Variants in PKHD1L1 observed in about 807,000 individuals in gnomAD.
The protein encoded by PKHD1L1 is fibrocystin-L.
Under a neutral mutation model 462.9 loss-of-function variants are expected in PKHD1L1, and 434 were observed. That is an observed-to-expected ratio of 0.94 (90% CI 0.87 to 1.02). The LOEUF (loss-of-function observed/expected upper bound fraction) is 1.02. Among genes scored for constraint, PKHD1L1 ranks in the 50% least tolerant of loss-of-function variants. The pLI, the probability that PKHD1L1 is intolerant of heterozygous loss-of-function variation, is 0.00. For synonymous variants in PKHD1L1, 1,781 were observed against 1,750.0 expected (o/e 1.02, Z -0.44); for missense variants, 5,202 against 5,096.1 (o/e 1.02, Z -0.63).
chr8:109,505,523 C>A (rs1819644071), intron 68 of PKHD1L1, among the ~76,000 whole-genome samples: 1 of 152,038 alleles, frequency 6.6e-6, no homozygotes, highest in South Asian at 2.1e-4. Flanking sequence ...TAAGACAATA[C>A]TGGAGGCAGA....
chr8:109,520,730 G>C (rs1489361091), intron 73 of PKHD1L1, among the ~76,000 whole-genome samples: 3 of 151,844 alleles, frequency 2.0e-5, no homozygotes, highest in Admixed American at 6.6e-5. Context: ...GAAATTCCCA[G>C]ATGTCCTAGA....
chr8:109,390,187 T>C (rs1812646712), intron 8 of PKHD1L1, among the ~76,000 whole-genome samples: 1 of 152,212 alleles, frequency 6.6e-6, no homozygotes, highest in Non-Finnish European at 1.5e-5. Flanking sequence ...GTTACATATC[T>C]GTTCTTTTAT....
chr8:109,490,094 A>ATTT, intron 60 of PKHD1L1, 39 bp downstream of exon 60: 3 of 1,252,704 alleles, frequency 2.4e-6, no homozygotes, highest in Non-Finnish European at 3.3e-6. Flanking sequence ...TATTAAAAAT[A>ATTT]TGCAAAATAT....
Position 109,406,316 on chromosome 8 carries a change from T to C in PKHD1L1, c.1670-19T>C, listed in dbSNP as rs748787042. ...CAACTTTTCTGTTTGTTTGTTTGTT[T>C]GTTTTAATCCAATCAAAGTCTTCCT... is the stretch of plus-strand genomic sequence containing the variant. On this transcript the variant is annotated intron_variant, in intron 16 of 77. Coordinates refer to ENST00000378402, the MANE Select transcript of PKHD1L1 (RefSeq NM_177531.6). The C allele has an allele frequency of 6.5e-6, 10 of 1,532,690 alleles. No individual in the cohort carries two copies. In the South Asian group the frequency reaches 1.1e-4, roughly 17 times the overall value. The allele number at this position is 1,532,690 out of a possible 1,614,324, so 94.9% of individuals were successfully genotyped here.
In PKHD1L1 at chr8:109,445,545, C is replaced by A; in HGVS notation, c.5676C>A (p.Val1892=). The change falls in exon 38 of 78, where the codon GTC becomes GTA. Residue 1892 remains valine, a synonymous_variant. Transcript: ENST00000378402. ...CTCCCGCTGGGACCACTGGAATGGT[C>A]GATGTTAAAATCTTTGTTAATACAA... is the stretch of plus-strand genomic sequence containing the variant. ...CRTPAGTTGM[V]DVKIFVNTIA... 1.9e-6 allele frequency: 3 copies of A among 1,612,808 alleles called. No individual in the cohort carries two copies. Among genetic ancestry groups the A allele is most frequent in the East Asian group, 2.2e-5 (1 of 44,866 alleles).
chr8:109,511,664 T>A (rs1819992133), intron 71 of PKHD1L1, among the ~76,000 whole-genome samples: 1 of 152,092 alleles, frequency 6.6e-6, no homozygotes, highest in South Asian at 2.1e-4. Context: ...TACGTGTGCA[T>A]GTGTCTTTAT....
intron 59 of PKHD1L1, among the ~76,000 whole-genome samples, chr8:109,487,200 C>T (rs916763838): frequency 6.6e-6 from 1 of 151,924 alleles, no homozygotes; most frequent in African/African-American, 2.4e-5. Context: ...GTACTAATCA[C>T]CAATTTCAAC....
At chr8:109,490,927 G>T (rs748018360) in intron 60 of PKHD1L1, 45 bp from the exon 61 acceptor site, 1 of 1,452,726 alleles carries the variant, frequency 6.9e-7, no homozygotes, top group Non-Finnish European at 9.2e-7. Flanking sequence ...AAAATATATT[G>T]TAATTTTATT....
Position 109,454,824 on chromosome 8 carries a change from T to C in PKHD1L1, c.6846T>C (p.Ala2282=). ...CTGTCTATGGTGCCAAAACACTGGC[T>C]GTGCGGGAGGGAATCCTGGATCTGC... The part of the protein sequence containing the change: ...ELPVYGAKTL[A]VREGILDLHG... Residue 2282 remains alanine, a synonymous_variant, in exon 45 of 78, where the codon GCT becomes GCC. Transcript: ENST00000378402. The C allele has an allele frequency of 1.2e-6, 2 of 1,613,786 alleles. No individual in the cohort carries two copies. The highest frequency in any genetic ancestry group is 1.7e-6 in the Non-Finnish European group (2 of 1,179,754).
chr8:109,509,269 A>G (rs1424288408), intron 70 of PKHD1L1, among the ~76,000 whole-genome samples: 1 of 152,046 alleles, frequency 6.6e-6, no homozygotes, highest in Non-Finnish European at 1.5e-5. Flanking sequence ...AGCAGAGATC[A>G]TGAGAACAAC....
chr8:109,447,658 T>G (rs1357996898), intron 38 of PKHD1L1, among the ~76,000 whole-genome samples: 4 of 152,206 alleles, frequency 2.6e-5, no homozygotes, highest in African/African-American at 9.7e-5. Context: ...CATTTACATA[T>G]CATAATTTCT....
intron 16 of PKHD1L1, among the ~76,000 whole-genome samples, chr8:109,406,002 C>G (rs1813517044): frequency 6.6e-6 from 1 of 152,070 alleles, no homozygotes; most frequent in Non-Finnish European, 1.5e-5. Context: ...ACAATAAATC[C>G]TAAAATACAA....
chr8:109,429,796 C>A, intron 26 of PKHD1L1, 136 bp from the exon 27 acceptor site: 2 of 680,910 alleles, frequency 2.9e-6, no homozygotes, highest in South Asian at 1.9e-5. Flanking sequence ...AATGAAATAT[C>A]AAAGTACAAA....
chr8:109,386,428 C>T (rs1812445199), intron 6 of PKHD1L1, among the ~76,000 whole-genome samples: 1 of 152,078 alleles, frequency 6.6e-6, no homozygotes, highest in South Asian at 2.1e-4. Flanking sequence ...TTCAGATAGA[C>T]ACTCAGCAAT....
Position 109,440,640 on chromosome 8 carries a change from T to C in PKHD1L1, c.3957-70T>C, listed in dbSNP as rs1275353312. On this transcript the variant is annotated intron_variant, in intron 32 of 77. Transcript: ENST00000378402. The stretch of plus-strand genomic sequence containing the variant: ...ATTTCCTCTTTCTAAAGAAGTCATA[T>C]CCTAGCAAGAGTTTAGCAAGATAAA... 25 of 1,415,626 alleles carry C rather than the reference T, an allele frequency of 1.8e-5. No homozygotes were observed. In the South Asian group the frequency reaches 2.1e-4, roughly 12 times the overall value. 87.7% of individuals were successfully genotyped at this position (1,415,626 alleles called of 1,614,324 possible).
chr8:109,363,841 G>A (rs896527649), intron 1 of PKHD1L1, among the ~76,000 whole-genome samples: 7 of 152,168 alleles, frequency 4.6e-5, no homozygotes, highest in Non-Finnish European at 7.3e-5. Context: ...CACAAGCAGC[G>A]TGGGTGAAAT....
intron 10 of PKHD1L1, among the ~76,000 whole-genome samples, chr8:109,395,537 A>T (rs1187333850): frequency 6.6e-6 from 1 of 152,234 alleles, no homozygotes; most frequent in East Asian, 1.9e-4. Context: ...GATAAATTTT[A>T]GTAAGAATCT....
intron 48 of PKHD1L1, 52 bp downstream of exon 48, chr8:109,461,960 A>G (rs1817161172): frequency 5.2e-6 from 8 of 1,542,996 alleles, no homozygotes; most frequent in East Asian, 4.8e-5. Flanking sequence ...TTATCCATAC[A>G]AGAAATGTGT....
At chr8:109,481,660 C>T in intron 56 of PKHD1L1, 98 bp downstream of exon 56, 1 of 1,108,526 alleles carries the variant, frequency 9.0e-7, no homozygotes, top group Non-Finnish European at 1.2e-6. Flanking sequence ...ATGATAAATA[C>T]TTTATCATAA....
Sources: allele counts gnomAD v4.1 joint callset (sites outside exome capture counted in the v4.1 genomes callset), GRCh38; gene constraint gnomAD v4.1.1; transcripts MANE v1.5; gene names NCBI Gene and HGNC (gene_info 2026-07-23, HGNC 2026-07-21).